MYO10: variants seen among roughly 807,000 people sequenced by gnomAD.
The protein encoded by MYO10 is unconventional myosin-X.
MYO10 carries 133 observed loss-of-function variants against 257.3 expected under a neutral mutation model. The observed-to-expected ratio is 0.52, with a 90% CI of 0.45 to 0.60. The LOEUF (loss-of-function observed/expected upper bound fraction) is 0.60. Ranked by LOEUF, MYO10 falls within the 20% of genes least tolerant of loss-of-function variation. The pLI, the probability that MYO10 is intolerant of heterozygous loss-of-function variation, is 0.00. For synonymous variants in MYO10, 1,104 were observed against 1,028.6 expected (o/e 1.07, Z -1.40); for missense variants, 2,399 against 2,635.7 (o/e 0.91, Z 1.97).
intron 17 of MYO10, among the ~76,000 whole-genome samples, chr5:16,759,935 G>A (rs1325659103): frequency 6.6e-6 from 1 of 151,806 alleles, no homozygotes; most frequent in Non-Finnish European, 1.5e-5. Flanking sequence ...ACCTTATATG[G>A]GCTCCCTTTG....
intron 10 of MYO10, 108 bp from the exon 11 acceptor site, chr5:16,766,306 T>C (rs1409154856): frequency 1.5e-5 from 12 of 780,586 alleles, no homozygotes; most frequent in Non-Finnish European, 2.6e-5. Flanking sequence ...ACGCAGAGTT[T>C]AGAGATTGCA....
At chr5:16,924,925 G>A (rs570976902) in intron 1 of MYO10, among the ~76,000 whole-genome samples, 1 of 147,402 alleles carries the variant, frequency 6.8e-6, no homozygotes, top group Non-Finnish European at 1.5e-5. Context: ...CCGCCTCCCA[G>A]GTTCACGCCA....
chr5:16,682,941 T>A (rs1307911661), intron 30 of MYO10, among the ~76,000 whole-genome samples: 1 of 151,246 alleles, frequency 6.6e-6, no homozygotes, highest in Admixed American at 6.6e-5. Context: ...CTTGGGAGAG[T>A]AAAGATGTGG....
At chr5:16,697,203 G>C (rs1252322126) in intron 26 of MYO10, among the ~76,000 whole-genome samples, 1 of 152,094 alleles carries the variant, frequency 6.6e-6, no homozygotes, top group Non-Finnish European at 1.5e-5. Context: ...GCAGAACTCT[G>C]AAAGGCAAAT....
At chr5:16,863,984 G>A (rs1012168575) in intron 2 of MYO10, among the ~76,000 whole-genome samples, 2 of 152,150 alleles carry the variant, frequency 1.3e-5, no homozygotes, top group Admixed American at 6.5e-5. Flanking sequence ...TGCAGTCCCA[G>A]CTACTTGGCA....
At chr5:16,839,647 G>A (rs1317536786) in intron 2 of MYO10, among the ~76,000 whole-genome samples, 7 of 152,126 alleles carry the variant, frequency 4.6e-5, no homozygotes, top group Non-Finnish European at 2.9e-5. Flanking sequence ...AGAGGCTAAG[G>A]GGAAGATCAC....
chr5:16,798,630 C>T (rs1032564702), intron 3 of MYO10, among the ~76,000 whole-genome samples: 2 of 152,146 alleles, frequency 1.3e-5, no homozygotes, highest in African/African-American at 4.8e-5. Context: ...TGCCTGGCCC[C>T]TTCCACTACT....
chr5:16,795,098 T>A (rs775971567), intron 3 of MYO10, among the ~76,000 whole-genome samples: 1 of 151,210 alleles, frequency 6.6e-6, no homozygotes, highest in Non-Finnish European at 1.5e-5. Flanking sequence ...CAGGCCCAGA[T>A]CCCTGCTCCC....
chr5:16,860,839 C>A (rs547206503), intron 2 of MYO10, among the ~76,000 whole-genome samples: 1 of 152,084 alleles, frequency 6.6e-6, no homozygotes, highest in South Asian at 2.1e-4. Context: ...ACAGAACCAG[C>A]TAAGAAAGGA....
intron 3 of MYO10, among the ~76,000 whole-genome samples, chr5:16,816,095 C>A (rs1304880840): frequency 1.3e-5 from 2 of 150,492 alleles, no homozygotes; most frequent in Non-Finnish European, 2.9e-5. Flanking sequence ...GTAATCCCAG[C>A]ACTTTGGGAG....
rs1741872229 is a variant in MYO10, at chr5:16,794,538, CGGTTGTAAAAGCTTCCTCT to C, written c.467+89_467+107del. 3 of 1,052,018 alleles carry C rather than the reference CGGTTGTAAAAGCTTCCTCT, an allele frequency of 2.9e-6. No homozygotes were observed. The Admixed American group carries it at 1.1e-4, about 38-fold the overall frequency. 65.2% of individuals were successfully genotyped at this position (1,052,018 alleles called of 1,614,324 possible). A position where few individuals can be genotyped will look rare whatever the true frequency, so the allele number is the denominator to read the frequency against. On this transcript the variant is annotated intron_variant, in intron 4 of 40. Transcript: ENST00000513610. ...GAAAACTCTGTCGGAGAAACTCAGG[CGGTTGTAAAAGCTTCCTCT>C]GGTTAATGCCCTAAGGAGGCTGGGG...
chr5:16,728,028 T>C, intron 19 of MYO10, among the ~76,000 whole-genome samples: 1 of 152,190 alleles, frequency 6.6e-6, no homozygotes, highest in East Asian at 1.9e-4. Context: ...GTCACATACT[T>C]GTTTCCAAAA....
chr5:16,758,281 C>T, intron 17 of MYO10, 55 bp from the exon 18 acceptor site: 2 of 1,226,478 alleles, frequency 1.6e-6, no homozygotes, highest in East Asian at 2.3e-5. Context: ...TTATTAGGTG[C>T]AAGATTATTG....
intron 3 of MYO10, among the ~76,000 whole-genome samples, chr5:16,816,161 T>C (rs1742600990): frequency 6.6e-6 from 1 of 151,388 alleles, no homozygotes; most frequent in Non-Finnish European, 1.5e-5. Context: ...ACCAACATGG[T>C]GACCTTGTCT....
intron 9 of MYO10, among the ~76,000 whole-genome samples, chr5:16,772,358 C>T (rs1408381309): frequency 6.6e-6 from 1 of 152,120 alleles, no homozygotes; most frequent in Non-Finnish European, 1.5e-5. Context: ...GTCTCGAACT[C>T]CCGACCTCAG....
In MYO10 at chr5:16,766,124, A is replaced by G; in HGVS notation, c.1135T>C (p.Phe379Leu). ...GTGAGGATCTCTTCTCCCCTGAGGA[A>G]CATTGATCTCTGGGTCAAAGCATCT... ...LTDALTQRSM[F>L]LRGEEILTPL... The change falls in exon 11 of 41, where the codon TTC becomes CTC. Residue 379 changes from phenylalanine (F) to leucine (L), a missense_variant. This residue lies in a region of MYO10 where 337 missense variants were observed against 446.8 expected (regional missense o/e 0.75). Coordinates refer to ENST00000513610, the MANE Select transcript of MYO10 (RefSeq NM_012334.3). 3 of 1,613,692 alleles carry G rather than the reference A, an allele frequency of 1.9e-6. No individual in the cohort carries two copies. The highest frequency in any genetic ancestry group is 2.5e-6 in the Non-Finnish European group (3 of 1,179,640).
At chr5:16,878,204 G>C (rs1561033881) in intron 1 of MYO10, among the ~76,000 whole-genome samples, 1 of 152,128 alleles carries the variant, frequency 6.6e-6, no homozygotes, top group South Asian at 2.1e-4. Flanking sequence ...CATTCTCTTA[G>C]GTCAAAGTCC....
At chr5:16,724,163 C>T (rs139427594) in intron 19 of MYO10, among the ~76,000 whole-genome samples, 1,854 of 152,216 alleles carry the variant, frequency 0.012, 27 homozygotes, top group African/African-American at 0.041. Flanking sequence ...AGGGAAAAGA[C>T]GCTGACTTAA....
chr5:16,702,496 G>A (rs375436749), intron 24 of MYO10, 47 bp downstream of exon 24: 19 of 1,532,098 alleles, frequency 1.2e-5, no homozygotes, highest in Non-Finnish European at 1.5e-5. Flanking sequence ...TTAGAAGTGG[G>A]AAGGAAGTAG....
Sources: gnomAD v4.1 joint callset for allele counts (sites outside exome capture counted in the v4.1 genomes callset) on GRCh38, gnomAD v4.1.1 for gene constraint, gnomAD v4.1.1 regional missense constraint, MANE v1.5 for transcripts, NCBI Gene and HGNC (gene_info 2026-07-23, HGNC 2026-07-21) for gene names.